NRXN1: variants seen among roughly 807,000 people sequenced by gnomAD.
The protein encoded by NRXN1 is neurexin-1.
A neutral mutation model predicts 150.9 loss-of-function variants in NRXN1; 39 were observed. The observed-to-expected ratio is 0.26, with a 90% CI of 0.20 to 0.34. The LOEUF is 0.34. Among genes scored for constraint, NRXN1 ranks in the 10% least tolerant of loss-of-function variants. The pLI, the probability that NRXN1 is intolerant of heterozygous loss-of-function variation, is 1.00. For synonymous variants in NRXN1, 924 were observed against 757.0 expected, an observed-to-expected ratio of 1.22 and a Z score of -3.62; for missense variants, 1,815 against 1,949.9, an observed-to-expected ratio of 0.93 and a Z score of 1.30.
intron 18 of NRXN1, among the ~76,000 whole-genome samples, chr2:50,162,396 G>T (rs1181030097): frequency 6.6e-6 from 1 of 152,022 alleles, no homozygotes; most frequent in Non-Finnish European, 1.5e-5. Context: ...AACATTGTCA[G>T]GGTAAAATTT....
At chr2:50,752,692 A>G (rs766260868) in intron 5 of NRXN1, among the ~76,000 whole-genome samples, 3 of 150,758 alleles carry the variant, frequency 2.0e-5, no homozygotes, top group Non-Finnish European at 4.4e-5. Flanking sequence ...TTAACACAAC[A>G]CCATGATAAA....
At chr2:50,642,048 A>G (rs947310604) in intron 5 of NRXN1, among the ~76,000 whole-genome samples, 1 of 152,102 alleles carries the variant, frequency 6.6e-6, no homozygotes, top group Non-Finnish European at 1.5e-5. Context: ...GATAAAATAT[A>G]TTTTTAATTT....
intron 5 of NRXN1, among the ~76,000 whole-genome samples, chr2:50,908,311 T>C (rs984758103): frequency 1.3e-5 from 2 of 151,614 alleles, no homozygotes; most frequent in South Asian, 2.1e-4. Flanking sequence ...AAGTTCAGTA[T>C]GAATTGATAA....
intron 17 of NRXN1, among the ~76,000 whole-genome samples, chr2:50,408,745 C>A (rs974064472): frequency 5.3e-5 from 8 of 151,994 alleles, no homozygotes; most frequent in African/African-American, 1.9e-4. Flanking sequence ...CCTCTGCATT[C>A]CCTATTGCCA....
At chr2:50,323,464 C>A (rs911035516) in intron 17 of NRXN1, among the ~76,000 whole-genome samples, 2 of 152,036 alleles carry the variant, frequency 1.3e-5, no homozygotes, top group Non-Finnish European at 2.9e-5. Context: ...ATGTTCTAGG[C>A]ACTCAATACA....
chr2:50,103,247 T>C (rs1701200151), intron 18 of NRXN1, among the ~76,000 whole-genome samples: 2 of 152,230 alleles, frequency 1.3e-5, no homozygotes, highest in East Asian at 1.9e-4. Flanking sequence ...GTAACATGTT[T>C]AGTTTCTTTG....
At chr2:50,286,091 A>C (rs1349044458) in intron 17 of NRXN1, among the ~76,000 whole-genome samples, 1 of 152,176 alleles carries the variant, frequency 6.6e-6, no homozygotes, top group African/African-American at 2.4e-5. Flanking sequence ...GAATGACTAA[A>C]TCTAGCCAAT....
At chr2:49,951,099 C>T (rs148355782) in intron 21 of NRXN1, among the ~76,000 whole-genome samples, 40 of 151,908 alleles carry the variant, frequency 2.6e-4, no homozygotes, top group African/African-American at 8.0e-4. Flanking sequence ...CTCAGTCTAA[C>T]GTTCATTTTT....
chr2:50,081,243 G>A (rs546169143), intron 19 of NRXN1, among the ~76,000 whole-genome samples: 2 of 152,126 alleles, frequency 1.3e-5, no homozygotes, highest in South Asian at 2.1e-4. Context: ...TCCTCTTGAC[G>A]GCACTTTCAT....
chr2:50,622,600 T>C (rs1273536578), intron 6 of NRXN1, among the ~76,000 whole-genome samples: 3 of 152,202 alleles, frequency 2.0e-5, no homozygotes, highest in Non-Finnish European at 2.9e-5. Flanking sequence ...ATTAAAAACA[T>C]ACAGTATATG....
At chr2:50,282,387 T>C (rs1184539919) in intron 17 of NRXN1, among the ~76,000 whole-genome samples, 1 of 152,202 alleles carries the variant, frequency 6.6e-6, no homozygotes, top group Non-Finnish European at 1.5e-5. Context: ...CCTTGAGCAA[T>C]ACAAGTTGGA....
chr2:50,744,359 C>T (rs1399757761), intron 5 of NRXN1, among the ~76,000 whole-genome samples: 1 of 152,034 alleles, frequency 6.6e-6, no homozygotes, highest in Non-Finnish European at 1.5e-5. Context: ...CTCATCTCCC[C>T]AGATATAAGT....
chr2:50,399,545 C>T (rs1226476804), intron 17 of NRXN1, among the ~76,000 whole-genome samples: 1 of 151,728 alleles, frequency 6.6e-6, no homozygotes, highest in Admixed American at 6.6e-5. Flanking sequence ...AAGCACAGGG[C>T]CCTTTGCTCT....
At chr2:50,137,212 T>C (rs1706551552) in intron 18 of NRXN1, among the ~76,000 whole-genome samples, 1 of 152,074 alleles carries the variant, frequency 6.6e-6, no homozygotes, top group South Asian at 2.1e-4. Flanking sequence ...TATATAAAAA[T>C]ATTATTTGTC....
At chr2:50,111,891 C>CCTTA (rs1279745184) in intron 18 of NRXN1, among the ~76,000 whole-genome samples, 1 of 152,102 alleles carries the variant, frequency 6.6e-6, no homozygotes, top group Non-Finnish European at 1.5e-5. Context: ...TGCTAATGGA[C>CCTTA]CTTAGCACAA....
intron 17 of NRXN1, among the ~76,000 whole-genome samples, chr2:50,308,002 T>C (rs1445268244): frequency 6.6e-6 from 1 of 152,234 alleles, no homozygotes; most frequent in African/African-American, 2.4e-5. Flanking sequence ...CATGATGTTT[T>C]GACATATGTA....
At chr2:50,965,227 T>A (rs1346616287) in intron 2 of NRXN1, among the ~76,000 whole-genome samples, 3 of 151,438 alleles carry the variant, frequency 2.0e-5, no homozygotes, top group African/African-American at 7.2e-5. Flanking sequence ...ACTATTTGAT[T>A]GCAGCTATTT....
At chr2:50,023,212 C>A (rs538457504) in intron 21 of NRXN1, 37 of 152,322 alleles carry the variant, frequency 2.4e-4, no homozygotes, top group African/African-American at 8.9e-4. Flanking sequence ...AGTCCTACTA[C>A]TTTACCTTGC....
At chr2:50,383,107 T>A (rs1353948182) in intron 17 of NRXN1, among the ~76,000 whole-genome samples, 1 of 152,134 alleles carries the variant, frequency 6.6e-6, no homozygotes, top group Non-Finnish European at 1.5e-5. Context: ...GCCAATCAGG[T>A]TGTGCAGAAT....
Sources: gnomAD v4.1 joint callset for allele counts (sites outside exome capture counted in the v4.1 genomes callset) on GRCh38, gnomAD v4.1.1 for gene constraint, MANE v1.5 for transcripts, NCBI Gene and HGNC (gene_info 2026-07-23, HGNC 2026-07-21) for gene names.